COLQ: variants seen among roughly 807,000 people sequenced by gnomAD.
COLQ encodes acetylcholinesterase collagenic tail peptide.
A neutral mutation model predicts 69.0 loss-of-function variants in COLQ; 48 were observed. The ratio of observed to expected loss-of-function variants is 0.70; its 90% CI spans 0.55 to 0.88. The LOEUF (loss-of-function observed/expected upper bound fraction) is 0.88, where lower values mean the gene tolerates loss of function less well. Among genes scored for constraint, COLQ ranks in the 40% least tolerant of loss-of-function variants. COLQ has a pLI of 0.00. For missense variants in COLQ, 618 were observed against 594.6 expected, an observed-to-expected ratio of 1.04 and a Z score of -0.41; for synonymous variants, 217 against 211.2, an observed-to-expected ratio of 1.03 and a Z score of -0.24.
At chr3:15,499,707 T>C (rs67880481) in intron 1 of COLQ, among the ~76,000 whole-genome samples, 21,125 of 152,222 alleles carry the variant, frequency 0.14, 1,992 homozygotes, top group East Asian at 0.44. Context: ...GTGCAAGACA[T>C]AATGACTAGA....
chr3:15,512,725 A>G (rs923552604), intron 1 of COLQ, among the ~76,000 whole-genome samples: 5 of 152,250 alleles, frequency 3.3e-5, no homozygotes, highest in Non-Finnish European at 5.9e-5. Context: ...ATATGTATAT[A>G]TCACACATTG....
chr3:15,456,313 G>T (rs959716120), intron 14 of COLQ, 147 bp downstream of exon 14: 12 of 1,096,444 alleles, frequency 1.1e-5, no homozygotes, highest in Non-Finnish European at 1.5e-5. Context: ...TGCTCAGAGA[G>T]AGTTTGAGGG....
intron 1 of COLQ, 126 bp downstream of exon 1, chr3:15,521,394 T>A: frequency 7.6e-7 from 1 of 1,318,376 alleles, no homozygotes; most frequent in Admixed American, 2.0e-5. Flanking sequence ...GGTGGCCGTC[T>A]TCCTTCCAAC....
At chr3:15,489,745 A>C in intron 1 of COLQ, 108 bp from the exon 2 acceptor site, 1 of 915,340 alleles carries the variant, frequency 1.1e-6, no homozygotes, top group Middle Eastern at 3.1e-4. Context: ...TTCCACATCT[A>C]ATTTCTAGCC....
chr3:15,453,717 G>C, intron 16 of COLQ, 112 bp downstream of exon 16: 1 of 744,410 alleles, frequency 1.3e-6, no homozygotes, highest in Non-Finnish European at 2.4e-6. Flanking sequence ...TCAGTGTCTA[G>C]AAGGCACCAC....
chr3:15,491,304 T>C (rs934496689), intron 1 of COLQ, among the ~76,000 whole-genome samples: 3 of 152,224 alleles, frequency 2.0e-5, no homozygotes, highest in African/African-American at 7.2e-5. Flanking sequence ...TCAGTTTTGG[T>C]GTCACGATGT....
At position 15,475,437 on chromosome 3, in the gene COLQ, T is replaced by C; in HGVS notation, c.516A>G (p.Pro172=). 1.3e-6 allele frequency: 2 copies of C among 1,599,972 alleles called. No individual in the cohort carries two copies. The highest frequency in any genetic ancestry group is 1.7e-6 in the Non-Finnish European group (2 of 1,172,422). ...ACCCCACACTGACCTTGGAGCCCAT[T>C]GGTCCTCTTGACCCTGGCAAGCCCA... ...GMMGLPGSRG[P]MGSKGYPGSR... Residue 172 remains proline, a synonymous_variant, in exon 7 of 17, where the codon CCA becomes CCG. Coordinates refer to ENST00000383788, the MANE Select transcript of COLQ (RefSeq NM_005677.4).
chr3:15,455,800 A>G (rs2062015013), intron 15 of COLQ, 99 bp downstream of exon 15: 6 of 1,533,390 alleles, frequency 3.9e-6, no homozygotes, highest in Non-Finnish European at 5.4e-6. Context: ...CTGGCTCTAG[A>G]AAGGTCCCAA....
At chr3:15,485,259 A>G (rs1444407401) in intron 3 of COLQ, among the ~76,000 whole-genome samples, 2 of 152,136 alleles carry the variant, frequency 1.3e-5, no homozygotes, top group Non-Finnish European at 2.9e-5. Context: ...TTCCTCTGGA[A>G]GCTTCATCTC....
chr3:15,510,717 G>A (rs919886816), intron 1 of COLQ, among the ~76,000 whole-genome samples: 39 of 143,928 alleles, frequency 2.7e-4, no homozygotes, highest in African/African-American at 9.8e-4. Context: ...GAAGGGGACA[G>A]GATGGGAGGG....
chr3:15,491,552 C>A (rs1285441235), intron 1 of COLQ, among the ~76,000 whole-genome samples: 1 of 152,248 alleles, frequency 6.6e-6, no homozygotes, highest in Non-Finnish European at 1.5e-5. Flanking sequence ...TCCGTGCACA[C>A]ACACTCGCTC....
chr3:15,461,099 C>T (rs2062104876), intron 12 of COLQ, among the ~76,000 whole-genome samples: 1 of 152,166 alleles, frequency 6.6e-6, no homozygotes, highest in Admixed American at 6.5e-5. Flanking sequence ...CACGTTGATT[C>T]ACTTATACTC....
intron 1 of COLQ, chr3:15,498,903 C>CT: frequency 7.7e-7 from 1 of 1,304,162 alleles, no homozygotes; most frequent in East Asian, 3.5e-5. Context: ...ACTTATCCCC[C>CT]TGCAAGCCAA....
intron 1 of COLQ, among the ~76,000 whole-genome samples, chr3:15,495,702 G>A (rs1392998287): frequency 1.3e-5 from 2 of 152,234 alleles, no homozygotes; most frequent in Admixed American, 6.5e-5. Flanking sequence ...CAGCTGTCAC[G>A]GGCTACTTTT....
intron 4 of COLQ, 147 bp downstream of exon 4, chr3:15,479,191 A>G: frequency 9.1e-7 from 1 of 1,103,322 alleles, no homozygotes; most frequent in African/African-American, 1.5e-5. Flanking sequence ...GTGCTGCAGC[A>G]GCCCAGCCAT....
chr3:15,458,490 A>T (rs565937343), intron 12 of COLQ, among the ~76,000 whole-genome samples, 165 bp from the exon 13 acceptor site: 1 of 152,240 alleles, frequency 6.6e-6, no homozygotes, highest in African/African-American at 2.4e-5. Flanking sequence ...CAAGACATGG[A>T]GGAGCTAAGG....
intron 12 of COLQ, among the ~76,000 whole-genome samples, chr3:15,465,529 G>A (rs2062186031): frequency 6.6e-6 from 1 of 150,496 alleles, no homozygotes; most frequent in Non-Finnish European, 1.5e-5. Flanking sequence ...GCCTCCCAAA[G>A]TGCTGGGATT....
At chr3:15,491,921 G>A (rs185652686) in intron 1 of COLQ, among the ~76,000 whole-genome samples, 3 of 152,076 alleles carry the variant, frequency 2.0e-5, no homozygotes, top group East Asian at 3.9e-4. Context: ...AGCTGGGCAC[G>A]GTGGCATGCA....
At chr3:15,490,736 G>A (rs575433219) in intron 1 of COLQ, among the ~76,000 whole-genome samples, 6 of 152,192 alleles carry the variant, frequency 3.9e-5, no homozygotes, top group Non-Finnish European at 7.3e-5. Context: ...TAAGAAATGT[G>A]GCAAGGATGT....
Sources: allele counts gnomAD v4.1 joint callset (sites outside exome capture counted in the v4.1 genomes callset), GRCh38; gene constraint gnomAD v4.1.1; transcripts MANE v1.5; gene names NCBI Gene and HGNC (gene_info 2026-07-23, HGNC 2026-07-21).